RNF166: variants seen among roughly 807,000 people sequenced by gnomAD.
RNF166 encodes the protein ring finger protein 166.
RNF166 carries 19 observed loss-of-function variants against 29.4 expected under a neutral mutation model. The ratio of observed to expected loss-of-function variants is 0.65; its 90% CI spans 0.45 to 0.95. RNF166 has a LOEUF of 0.95. RNF166 is among the 40% of genes least tolerant of loss of function. RNF166 has a pLI of 0.00. For synonymous variants in RNF166, 171 were observed against 134.5 expected (o/e 1.27, Z -1.88); for missense variants, 347 against 322.1 (o/e 1.08, Z -0.59).
At chr16:88,703,552 G>A (rs1910481964) in intron 1 of RNF166, 1 of 985,412 alleles carries the variant, frequency 1.0e-6, no homozygotes, top group Non-Finnish European at 1.2e-6. Context: ...CCACAGGGTG[G>A]GTGCTCTATC....
chr16:88,705,430 G>A (rs943925018), intron 1 of RNF166, among the ~76,000 whole-genome samples: 1 of 152,218 alleles, frequency 6.6e-6, no homozygotes, highest in Non-Finnish European at 1.5e-5. Flanking sequence ...AGCAGACACT[G>A]ATCTAGGCTT....
At chr16:88,703,832 G>C in intron 1 of RNF166, 1 of 985,452 alleles carries the variant, frequency 1.0e-6, no homozygotes, top group Non-Finnish European at 1.2e-6. Flanking sequence ...TGAGAAGCTG[G>C]GACGGCCCGT....
chr16:88,699,666 A>T lies in RNF166; in HGVS notation c.379T>A (p.Cys127Ser). ...CLKVQEQMAN[C>S]PKFVPVVPTS... Reference sequence around the variant, plus strand: ...GGCACCACGGGGACGAACTTGGGGCAGTTGGCCATCTGCTCCTGGACCTTC... The same window carrying T: ...GGCACCACGGGGACGAACTTGGGGCTGTTGGCCATCTGCTCCTGGACCTTC... The change falls in exon 3 of 6, where the codon TGC (cysteine) becomes AGC (serine). Residue 127 changes from cysteine to serine, a missense_variant. Transcript: ENST00000312838. 6.2e-7 allele frequency: 1 copy of T among 1,613,548 alleles called. No individual in the cohort carries two copies. Among genetic ancestry groups the T allele is most frequent in the East Asian group, 2.2e-5 (1 of 44,880 alleles).
intron 1 of RNF166, chr16:88,703,657 A>C: frequency 2.0e-6 from 2 of 985,412 alleles, no homozygotes; most frequent in Non-Finnish European, 2.4e-6. Flanking sequence ...GTCTGCGCCC[A>C]CCCAGGGGCT....
At chr16:88,698,884 A>T (rs1909913641) in intron 4 of RNF166, 87 bp downstream of exon 4, 1 of 1,082,398 alleles carries the variant, frequency 9.2e-7, no homozygotes, top group Non-Finnish European at 1.4e-6. Context: ...GCACCCCCGG[A>T]CTCGCCGCGA....
intron 1 of RNF166, chr16:88,704,314 G>A: frequency 1.0e-6 from 1 of 985,442 alleles, no homozygotes; most frequent in Non-Finnish European, 1.2e-6. Context: ...GAAAAGTCGG[G>A]GAGAAAAATC....
intron 2 of RNF166, 55 bp from the exon 3 acceptor site, chr16:88,699,787 C>T: frequency 7.3e-7 from 1 of 1,367,824 alleles, no homozygotes; most frequent in South Asian, 1.3e-5. Context: ...AAGGGCCGTC[C>T]TGGGGAGGCC....
chr16:88,701,732 T>G, intron 1 of RNF166: 1 of 320,768 alleles, frequency 3.1e-6, no homozygotes, highest in Non-Finnish European at 5.8e-6. Context: ...AGGCCCCAGC[T>G]CGGGCTACCA....
Position 88,706,399 on chromosome 16 carries a change from G to A in RNF166, c.-74C>T, listed in dbSNP as rs1230365968. The A allele has an allele frequency of 4.1e-6, 5 of 1,223,682 alleles. 1 individual carries two copies. The highest frequency in any genetic ancestry group is 5.9e-5 in the South Asian group (2 of 33,668). 75.8% of individuals were successfully genotyped at this position (1,223,682 alleles called of 1,614,324 possible). A position where few individuals can be genotyped will look rare whatever the true frequency, so the allele number is the denominator to read the frequency against. ...CGGCCCGCTAGTCACAGCCGCTACT[G>A]CGCCGCGCTGACGTCATCGTAGGGC... On this transcript the variant is annotated 5_prime_UTR_variant, in exon 1 of 6. Coordinates refer to ENST00000312838, the MANE Select transcript of RNF166 (RefSeq NM_178841.4).
intron 5 of RNF166, chr16:88,698,077 TTG>T: frequency 1.8e-6 from 1 of 554,968 alleles, no homozygotes; most frequent in Non-Finnish European, 3.2e-6. Flanking sequence ...AGTGAGGAGT[TTG>T]TGCGAGGGTC....
rs560668387 is a variant in RNF166 at position 88,706,295 on chromosome 16, C to A, written c.31G>T (p.Ala11Ser). Residue 11 changes from alanine (A) to serine (S), a missense_variant, in exon 1 of 6, where the codon GCT becomes TCT. Transcript: ENST00000312838. ...CCGGCCGGCGGCTGCCGCTGCTGAG[C>A]CGAGGCCACCAGGCTGCGGAACATA... MAMFRSLVAS[A>S]QQRQPPAGPA... is the part of the protein sequence containing the mutation. The A allele has an allele frequency of 1.6e-6, 2 of 1,276,940 alleles. No individual in the cohort carries two copies. The highest frequency in any genetic ancestry group is 9.9e-7 in the Non-Finnish European group (1 of 1,012,906). 79.1% of individuals were successfully genotyped at this position (1,276,940 alleles called of 1,614,324 possible).
In RNF166 at chr16:88,706,354, C is replaced by CCCGCTGT; in HGVS notation, c.-36_-30dup. On this transcript the variant is annotated 5_prime_UTR_variant, in exon 1 of 6. Transcript: ENST00000312838. Reference sequence around the variant, plus strand: ...GGGGCCAGGCCCGCGCCGCCCGCCGCCCGCTGTCCTGGCCCGGGCCGGCCC... The same window carrying CCCGCTGT: ...GGGGCCAGGCCCGCGCCGCCCGCCGCCCGCTGTCCGCTGTCCTGGCCCGGGCCGGCCC... The CCCGCTGT allele has an allele frequency of 1.6e-6, 2 of 1,215,052 alleles. No homozygotes were observed. The highest frequency in any genetic ancestry group is 2.0e-6 in the Non-Finnish European group (2 of 977,590). 75.3% of individuals were successfully genotyped at this position (1,215,052 alleles called of 1,614,324 possible). A position where few individuals can be genotyped will look rare whatever the true frequency, so the allele number is the denominator to read the frequency against.
chr16:88,698,748 C>A (rs974547583), intron 4 of RNF166, 139 bp from the exon 5 acceptor site: 2 of 682,572 alleles, frequency 2.9e-6, no homozygotes, highest in East Asian at 5.4e-5. Flanking sequence ...GCGCGTGTCC[C>A]GGTGACAAGC....
In RNF166 at chr16:88,702,203, C is replaced by A. The variant is rs1399042337; in HGVS notation, c.156-785G>T. On this transcript the variant is annotated intron_variant, in intron 1 of 5. Transcript: ENST00000312838. ...GCCCTTGGAGGGGTGCACCACCAGC[C>A]AGTGGGAGCACCAGGCGCGAGAGCC... Among the ~76,000 whole-genome samples the A allele has an allele frequency of 4.6e-5, 7 of 152,224 alleles. No homozygotes were observed. The East Asian group carries it at 1.3e-3, about 29-fold the overall frequency.
At chr16:88,698,233 C>CT (rs1567634353) in intron 5 of RNF166, 3 of 649,438 alleles carry the variant, frequency 4.6e-6, no homozygotes, top group Non-Finnish European at 8.3e-6. Flanking sequence ...TCGAGGGGTT[C>CT]TGTGGGGTGG....
Position 88,697,531 on chromosome 16 carries a change from C to G in RNF166, c.*37G>C, listed in dbSNP as rs1430942341. ...GGTGCGACACAGGAGCGGGGACATC[C>G]CTGACCCCAGACGCAGGCGGGTGGC... is the stretch of plus-strand genomic sequence containing the variant. On this transcript the variant is annotated 3_prime_UTR_variant, in exon 6 of 6. Transcript: ENST00000312838. 23 of 1,491,932 alleles carry G rather than the reference C, an allele frequency of 1.5e-5. No homozygotes were observed. The highest frequency in any genetic ancestry group is 2.0e-5 in the Non-Finnish European group (22 of 1,096,812). The allele number at this position is 1,491,932 out of a possible 1,614,324, so 92.4% of individuals were successfully genotyped here. A position where few individuals can be genotyped will look rare whatever the true frequency, so the allele number is the denominator to read the frequency against.
rs1013761974 is a variant in RNF166 at position 88,706,373 on chromosome 16, C to A, written c.-48G>T. ...CCGCCGCCCGCTGTCCTGGCCCGGG[C>A]CGGCCCGCTAGTCACAGCCGCTACT... On this transcript the variant is annotated 5_prime_UTR_variant, in exon 1 of 6. Transcript: ENST00000312838. 6.3e-4 allele frequency: 771 copies of A among 1,217,262 alleles called. 2 individuals carry two copies. The highest frequency in any genetic ancestry group is 7.7e-4 in the Non-Finnish European group (748 of 976,246). 75.4% of individuals were successfully genotyped at this position (1,217,262 alleles called of 1,614,324 possible).
At chr16:88,699,557 T>C (rs1325473956) in intron 3 of RNF166, 63 bp downstream of exon 3, 1 of 1,346,120 alleles carries the variant, frequency 7.4e-7, no homozygotes, top group East Asian at 2.5e-5. Flanking sequence ...GGCACTGCGC[T>C]TGCTCCCAGA....
chr16:88,706,379 C>G lies in RNF166; in HGVS notation c.-54G>C, dbSNP rs531640048. ...CCCGCTGTCCTGGCCCGGGCCGGCC[C>G]GCTAGTCACAGCCGCTACTGCGCCG... On this transcript the variant is annotated 5_prime_UTR_variant, in exon 1 of 6. Transcript: ENST00000312838. 11 of 1,216,720 alleles carry G rather than the reference C, an allele frequency of 9.0e-6. No homozygotes were observed. The Middle Eastern group carries it at 9.5e-4, about 105-fold the overall frequency. 75.4% of individuals were successfully genotyped at this position (1,216,720 alleles called of 1,614,324 possible). A position where few individuals can be genotyped will look rare whatever the true frequency, so the allele number is the denominator to read the frequency against.
Sources: gnomAD v4.1 joint callset for allele counts (sites outside exome capture counted in the v4.1 genomes callset) on GRCh38, gnomAD v4.1.1 for gene constraint, MANE v1.5 for transcripts, NCBI Gene and HGNC (gene_info 2026-07-23, HGNC 2026-07-21) for gene names.